The following RPS11 variants were observed in gnomAD, a reference collection of about 807,000 sequenced individuals.
RPS11 encodes the protein small ribosomal subunit protein uS17.
For synonymous variants in RPS11, 107 were observed against 78.0 expected (o/e 1.37, Z -1.96); for missense variants, 127 against 211.4 (o/e 0.60, Z 2.48).
Position 49,496,451 on chromosome 19 carries a change from G to A in RPS11, c.-6G>A, listed in dbSNP as rs1177733972. 7 of 1,611,996 alleles carry A rather than the reference G, an allele frequency of 4.3e-6. No homozygotes were observed. Among genetic ancestry groups the A allele is most frequent in the Admixed American group, 3.3e-5 (2 of 59,928 alleles). On this transcript the variant is annotated 5_prime_UTR_variant, in exon 1 of 5. Transcript: ENST00000270625. ...GCCCCTTTCTTTTTTTCAGGCGGCC[G>A]GGAAGATGGCGGACATTCAGGTGCG...
At chr19:49,498,075 AG>A (rs1568692585) in intron 4 of RPS11, 29 bp downstream of exon 4, 1 of 1,611,342 alleles carries the variant, frequency 6.2e-7, no homozygotes, top group South Asian at 1.1e-5. Flanking sequence ...CAGGTTGCTC[AG>A]GCCACGCTCT....
intron 1 of RPS11, among the ~76,000 whole-genome samples, chr19:49,496,696 C>T (rs1471025323): frequency 6.6e-6 from 1 of 152,164 alleles, no homozygotes; most frequent in Non-Finnish European, 1.5e-5. Context: ...CGTTTTAGGA[C>T]TTACCTTCTT....
intron 2 of RPS11, 58 bp from the exon 3 acceptor site, chr19:49,497,462 G>T (rs992951197): frequency 3.1e-6 from 5 of 1,598,726 alleles, no homozygotes; most frequent in African/African-American, 1.3e-5. Flanking sequence ...CACGCCCCTG[G>T]CTCTTTTAAG....
chr19:49,497,468 T>C (rs2079912407), intron 2 of RPS11, 52 bp from the exon 3 acceptor site: 1 of 1,606,462 alleles, frequency 6.2e-7, no homozygotes, highest in African/African-American at 1.3e-5. Context: ...CCTGGCTCTT[T>C]TAAGGAACCG....
chr19:49,497,251 C>T lies in RPS11; in HGVS notation c.73C>T (p.Leu25=), dbSNP rs1265821636. 6 of 1,614,046 alleles carry T rather than the reference C, an allele frequency of 3.7e-6. No individual in the cohort carries two copies. Among genetic ancestry groups the T allele is most frequent in the South Asian group, 1.1e-5 (1 of 91,082 alleles). The part of the protein sequence containing the change: ...TIFQNKKRVL[L]GETGKEKLPR... ...CTTTCAAAACAAGAAGAGGGTCCTG[C>T]TGGGAGAAACTGGCAAGGAGAAGCT... is the stretch of plus-strand genomic sequence containing the variant. The change falls in exon 2 of 5, where the codon CTG becomes TTG. Residue 25 remains leucine, a synonymous_variant. Transcript: ENST00000270625.
intron 4 of RPS11, among the ~76,000 whole-genome samples, chr19:49,498,903 C>G (rs770442493): frequency 2.0e-5 from 3 of 152,164 alleles, no homozygotes; most frequent in Admixed American, 6.6e-5. Context: ...TTTGTTCATT[C>G]CCTCAGCATG....
At position 49,498,061 on chromosome 19, in the gene RPS11, C is replaced by T. The variant is rs371092581; in HGVS notation, c.353+15C>T. ...CCCTGCTTCAGGTGAGCGCAGTGGC[C>T]CATCAGGTTGCTCAGGCCACGCTCT... On this transcript the variant is annotated intron_variant, in intron 4 of 4. Transcript: ENST00000270625. 1.2e-6 allele frequency: 2 copies of T among 1,611,824 alleles called. No individual in the cohort carries two copies. The highest frequency in any genetic ancestry group is 1.7e-6 in the Non-Finnish European group (2 of 1,179,938).
intron 2 of RPS11, 81 bp downstream of exon 2, chr19:49,497,406 A>G (rs2079912027): frequency 3.1e-6 from 5 of 1,603,852 alleles, no homozygotes; most frequent in Middle Eastern, 3.3e-4. Context: ...GCCTGCATCT[A>G]AGTGGCTTCT....
At chr19:49,499,367 G>T in intron 4 of RPS11, 145 bp from the exon 5 acceptor site, 1 of 813,858 alleles carries the variant, frequency 1.2e-6, no homozygotes, top group East Asian at 2.6e-5. Flanking sequence ...GAAAGGAGGG[G>T]ACAGGTTGAA....
At chr19:49,498,608 G>T (rs1449600325) in intron 4 of RPS11, among the ~76,000 whole-genome samples, 1 of 152,146 alleles carries the variant, frequency 6.6e-6, no homozygotes, top group African/African-American at 2.4e-5. Flanking sequence ...AAGTTTGCCA[G>T]GTGTGGTAGC....
intron 4 of RPS11, among the ~76,000 whole-genome samples, 158 bp from the exon 5 acceptor site, chr19:49,499,354 T>C (rs1420450571): frequency 6.6e-6 from 1 of 152,022 alleles, no homozygotes; most frequent in Admixed American, 6.6e-5. Context: ...ACAAAACTTG[T>C]ACGAAAGGAG....
intron 1 of RPS11, among the ~76,000 whole-genome samples, chr19:49,496,751 A>AG (rs1245651303): frequency 1.3e-5 from 2 of 152,042 alleles, no homozygotes; most frequent in East Asian, 3.9e-4. Flanking sequence ...TCCGGTCTTC[A>AG]GGGGTAATTC....
At chr19:49,496,509 G>T in intron 1 of RPS11, 38 bp downstream of exon 1, 2 of 1,592,766 alleles carry the variant, frequency 1.3e-6, no homozygotes, top group Non-Finnish European at 1.7e-6. Context: ...TGCGGGGTCC[G>T]CCTTGGCCTT....
In RPS11 at chr19:49,498,307, G is replaced by C; in HGVS notation, c.353+261G>C. ...TGAGATGTTTTGGGGATGTGACATA[G>C]GTCTAAACAAGAAGCTCATTTGTTT... On this transcript the variant is annotated intron_variant, in intron 4 of 4. Transcript: ENST00000270625. 3 of 489,872 alleles carry C rather than the reference G, an allele frequency of 6.1e-6. No individual in the cohort carries two copies. In the South Asian group the frequency reaches 6.4e-5, roughly 10 times the overall value. The allele number at this position is 489,872 out of a possible 1,614,324, so 30.3% of individuals were successfully genotyped here. A position where few individuals can be genotyped will look rare whatever the true frequency, so the allele number is the denominator to read the frequency against.
chr19:49,497,867 A>G (rs1279083564), intron 3 of RPS11, 50 bp from the exon 4 acceptor site: 2 of 1,613,316 alleles, frequency 1.2e-6, no homozygotes, highest in Admixed American at 1.7e-5. Context: ...TGGGTTACCT[A>G]TGGCCCTCTT....
intron 4 of RPS11, 112 bp downstream of exon 4, chr19:49,498,158 T>G: frequency 8.4e-7 from 1 of 1,186,850 alleles, no homozygotes; most frequent in South Asian, 1.2e-5. Context: ...GTGGCATCTC[T>G]GGGAAGCCCC....
At chr19:49,496,581 C>G in intron 1 of RPS11, 110 bp downstream of exon 1, 1 of 1,188,566 alleles carries the variant, frequency 8.4e-7, no homozygotes, top group Non-Finnish European at 1.2e-6. Flanking sequence ...TCCGGGCGTC[C>G]GTGATTATTT....
In RPS11 at chr19:49,498,055, A is replaced by G. The variant is rs765295262; in HGVS notation, c.353+9A>G. ...CTGTCCCCCTGCTTCAGGTGAGCGC[A>G]GTGGCCCATCAGGTTGCTCAGGCCA... On this transcript the variant is annotated intron_variant, in intron 4 of 4. Coordinates refer to ENST00000270625, the MANE Select transcript of RPS11 (RefSeq NM_001015.5). 6 of 1,611,996 alleles carry G rather than the reference A, an allele frequency of 3.7e-6. No homozygotes were observed. Among genetic ancestry groups the G allele is most frequent in the African/African-American group, 1.3e-5 (1 of 74,846 alleles).
chr19:49,497,691 G>C (rs2079913733), intron 3 of RPS11, 96 bp downstream of exon 3: 1 of 1,270,746 alleles, frequency 7.9e-7, no homozygotes, highest in African/African-American at 1.5e-5. Context: ...GGGTGGTTAG[G>C]AATGCAAACT....
Sources: allele counts gnomAD v4.1 joint callset (sites outside exome capture counted in the v4.1 genomes callset), GRCh38; gene constraint gnomAD v4.1.1; transcripts MANE v1.5; gene names NCBI Gene and HGNC (gene_info 2026-07-23, HGNC 2026-07-21).